The following LTBP1 variants were observed in gnomAD, a reference collection of about 807,000 sequenced individuals.
The protein encoded by LTBP1 is latent transforming growth factor beta binding protein 1.
LTBP1 carries 129 observed loss-of-function variants against 207.6 expected under a neutral mutation model. The ratio of observed to expected loss-of-function variants is 0.62; its 90% confidence interval spans 0.54 to 0.72. LTBP1 has a LOEUF of 0.72. Ranked by LOEUF, LTBP1 falls within the 30% of genes least tolerant of loss-of-function variation. The probability of loss-of-function intolerance (pLI) is 0.00; values close to 1 mark genes in which losing one functional copy is unlikely to be tolerated. For synonymous variants in LTBP1, 963 were observed against 833.7 expected (o/e 1.16, Z -2.67); for missense variants, 2,281 against 2,217.2 (o/e 1.03, Z -0.58).
intron 3 of LTBP1, among the ~76,000 whole-genome samples, chr2:33,087,735 G>A (rs530678686): frequency 3.3e-5 from 5 of 152,294 alleles, no homozygotes; most frequent in South Asian, 4.1e-4. Context: ...AAGTGCCGAT[G>A]GAGTTTATCC....
chr2:33,286,963 G>A (rs1359012125), intron 19 of LTBP1, among the ~76,000 whole-genome samples: 1 of 152,176 alleles, frequency 6.6e-6, no homozygotes, highest in Non-Finnish European at 1.5e-5. Flanking sequence ...GATAGCATTA[G>A]GAGATATACC....
At chr2:33,325,494 T>C (rs1039919819) in intron 24 of LTBP1, among the ~76,000 whole-genome samples, 2 of 152,222 alleles carry the variant, frequency 1.3e-5, no homozygotes, top group Non-Finnish European at 2.9e-5. Flanking sequence ...AGAGAAAGCG[T>C]ACAGCATGGA....
intron 2 of LTBP1, among the ~76,000 whole-genome samples, chr2:32,978,863 T>C (rs1823870): frequency 0.017 from 2,532 of 152,002 alleles, 22 homozygotes; most frequent in African/African-American, 0.021. Flanking sequence ...TGGGAGACTT[T>C]TTATTACAGC....
At position 33,020,987 on chromosome 2, in the gene LTBP1, GC is replaced by G. The variant is rs773420339; in HGVS notation, c.645del (p.Ala217ProfsTer5). 6.2e-7 allele frequency: 1 copy of G among 1,613,434 alleles called. No homozygotes were observed. Among genetic ancestry groups the G allele is most frequent in the African/African-American group, 1.3e-5 (1 of 74,916 alleles). ...TGTGTGTGTAAACCAGGGACCAAGGGCAAAGCCTGTGAAACAATAGCTGCCC... is the reference window on the plus strand; with the variant it reads ...TGTGTGTGTAAACCAGGGACCAAGGGAAAGCCTGTGAAACAATAGCTGCCC... ...QLCVCKPGTK[G>X]KACETIAAQD... On this transcript the variant is annotated frameshift_variant, in exon 3 of 34. Coordinates refer to ENST00000404816, the MANE Select transcript of LTBP1 (RefSeq NM_206943.4). LOFTEE classifies it high-confidence loss of function.
At chr2:33,173,570 A>G (rs532556702) in intron 5 of LTBP1, among the ~76,000 whole-genome samples, 8 of 152,034 alleles carry the variant, frequency 5.3e-5, no homozygotes, top group African/African-American at 1.9e-4. Flanking sequence ...GAATTCTACC[A>G]GAGGTACAAG....
At chr2:33,053,023 A>T (rs1353820462) in intron 3 of LTBP1, among the ~76,000 whole-genome samples, 1 of 151,824 alleles carries the variant, frequency 6.6e-6, no homozygotes, top group Non-Finnish European at 1.5e-5. Context: ...GGTGCATACC[A>T]CCACACCCAG....
chr2:33,188,736 A>G lies in LTBP1; in HGVS notation c.1586A>G (p.Gln529Arg). ...GTCTCGTACCAAGGGCTTCCTGTCCAGAAGACCCAGACCATACATTCCACA... is the reference window on the plus strand; with the variant it reads ...GTCTCGTACCAAGGGCTTCCTGTCCGGAAGACCCAGACCATACATTCCACA... ...SQVSYQGLPV[Q>R]KTQTIHSTYS... Residue 529 changes from glutamine to arginine, a missense_variant, in exon 7 of 34, where the codon CAG becomes CGG. Gln to Arg is a conservative substitution (Grantham distance 43). Coordinates refer to ENST00000404816, the MANE Select transcript of LTBP1 (RefSeq NM_206943.4). 4 of 1,614,194 alleles carry G rather than the reference A, an allele frequency of 2.5e-6. No individual in the cohort carries two copies. Among genetic ancestry groups the G allele is most frequent in the Non-Finnish European group, 3.4e-6 (4 of 1,180,036 alleles).
At chr2:33,300,941 G>A (rs1392273751) in intron 21 of LTBP1, among the ~76,000 whole-genome samples, 1 of 152,126 alleles carries the variant, frequency 6.6e-6, no homozygotes, top group Non-Finnish European at 1.5e-5. Flanking sequence ...GCTTTATGCT[G>A]TGGAATGTTA....
chr2:32,967,268 T>G (rs1265954514), intron 2 of LTBP1, among the ~76,000 whole-genome samples: 1 of 152,116 alleles, frequency 6.6e-6, no homozygotes, highest in African/African-American at 2.4e-5. Flanking sequence ...AAGAGCTAGC[T>G]TTTGGTTTCA....
At chr2:33,259,672 A>G in intron 13 of LTBP1, 62 bp downstream of exon 13, 1 of 1,480,820 alleles carries the variant, frequency 6.8e-7, no homozygotes, top group South Asian at 1.2e-5. Flanking sequence ...TTCTATTAGA[A>G]TATGTATGGA....
At chr2:32,982,682 G>A (rs1682947874) in intron 2 of LTBP1, among the ~76,000 whole-genome samples, 1 of 152,222 alleles carries the variant, frequency 6.6e-6, no homozygotes. Context: ...TCCAGCTGTG[G>A]CTGAAAAGGG....
intron 16 of LTBP1, 59 bp from the exon 17 acceptor site, chr2:33,274,906 A>T: frequency 6.4e-7 from 1 of 1,554,156 alleles, no homozygotes; most frequent in Non-Finnish European, 8.8e-7. Flanking sequence ...TTTACAGAAC[A>T]GGGAAACTAA....
At chr2:33,366,536 A>G (rs117532180) in intron 31 of LTBP1, among the ~76,000 whole-genome samples, 2 of 152,378 alleles carry the variant, frequency 1.3e-5, no homozygotes, top group East Asian at 3.9e-4. Context: ...TAAAGAGCAA[A>G]TACACAAAGC....
At chr2:33,394,308 C>T (rs2095341351) in intron 32 of LTBP1, among the ~76,000 whole-genome samples, 1 of 152,064 alleles carries the variant, frequency 6.6e-6, no homozygotes, top group Non-Finnish European at 1.5e-5. Context: ...AATTAGATCC[C>T]ATTTGTCAAT....
At chr2:33,182,735 C>CACAG (rs2086797758) in intron 5 of LTBP1, among the ~76,000 whole-genome samples, 1 of 84,860 alleles carries the variant, frequency 1.2e-5, no homozygotes, top group African/African-American at 5.1e-5. Context: ...CACACACACA[C>CACAG]AGACATATAT....
intron 3 of LTBP1, among the ~76,000 whole-genome samples, chr2:33,098,857 G>GTA (rs2150113193): frequency 6.6e-6 from 1 of 152,294 alleles, no homozygotes; most frequent in South Asian, 2.1e-4. Context: ...GGCTCTCCTG[G>GTA]TATATATGGG....
chr2:33,219,750 C>T (rs759939101), intron 8 of LTBP1, among the ~76,000 whole-genome samples: 5 of 152,062 alleles, frequency 3.3e-5, no homozygotes, highest in African/African-American at 4.8e-5. Context: ...TCATTTACCC[C>T]CTTCTTTGTG....
At chr2:33,309,341 T>C in intron 22 of LTBP1, 93 bp from the exon 23 acceptor site, 5 of 792,048 alleles carry the variant, frequency 6.3e-6, no homozygotes, top group Non-Finnish European at 7.7e-6. Flanking sequence ...TTATAAATGA[T>C]GTAAAATAGT....
intron 2 of LTBP1, among the ~76,000 whole-genome samples, chr2:32,983,560 T>G (rs1273971507): frequency 2.0e-5 from 3 of 152,202 alleles, no homozygotes; most frequent in Admixed American, 2.0e-4. Context: ...AAGTCGTATC[T>G]TGAATTGTAA....
Sources: gnomAD v4.1 joint callset for allele counts (sites outside exome capture counted in the v4.1 genomes callset) on GRCh38, gnomAD v4.1.1 for gene constraint, MANE v1.5 for transcripts, NCBI Gene and HGNC (gene_info 2026-07-23, HGNC 2026-07-21) for gene names.